Variants in HIF3A observed in about 807,000 individuals in gnomAD.
HIF3A encodes the protein hypoxia inducible factor 3 subunit alpha, also known as hypoxia-inducible factor 3-alpha.
In HIF3A, 41 loss-of-function variants were observed where a neutral mutation model predicts 67.2. The observed-to-expected ratio is 0.61, with a 90% CI of 0.48 to 0.79. The LOEUF (loss-of-function observed/expected upper bound fraction) is 0.79, where lower values mean the gene tolerates loss of function less well. Ranked by LOEUF, HIF3A falls within the 30% of genes least tolerant of loss-of-function variation. The probability of loss-of-function intolerance (pLI) is 0.00; values close to 1 mark genes in which losing one functional copy is unlikely to be tolerated. For missense variants in HIF3A, 855 were observed against 898.0 expected, an observed-to-expected ratio of 0.95 and a Z score of 0.61; for synonymous variants, 356 against 374.8, an observed-to-expected ratio of 0.95 and a Z score of 0.58.
intron 12 of HIF3A, 135 bp downstream of exon 12, chr19:46,329,613 G>GCA: frequency 9.1e-7 from 1 of 1,101,162 alleles, no homozygotes; most frequent in East Asian, 2.9e-5. Context: ...GGTGGGCCCA[G>GCA]CACATGCCAA....
Position 46,309,144 on chromosome 19 carries a change from C to T in HIF3A, c.562-7C>T, listed in dbSNP as rs1358149947. The T allele has an allele frequency of 3.1e-6, 5 of 1,608,486 alleles. No individual in the cohort carries two copies. The highest frequency in any genetic ancestry group is 4.3e-6 in the Non-Finnish European group (5 of 1,176,168). On this transcript the variant is annotated splice_region_variant and splice_polypyrimidine_tract_variant and intron_variant, in intron 5 of 14. Coordinates refer to ENST00000377670, the MANE Select transcript of HIF3A (RefSeq NM_152795.4). ...CCACTGCCTTGTCCCCTCATCTCGGCCCCCAGGTGCTGAACTGCTCTGGAC... is the reference window on the plus strand; with the variant it reads ...CCACTGCCTTGTCCCCTCATCTCGGTCCCCAGGTGCTGAACTGCTCTGGAC...
chr19:46,306,307 A>T (rs1384409074), intron 3 of HIF3A, among the ~76,000 whole-genome samples: 2 of 152,168 alleles, frequency 1.3e-5, no homozygotes, highest in Non-Finnish European at 2.9e-5. Flanking sequence ...AAGATCCTCT[A>T]GGTACGGCAT....
chr19:46,324,195 C>A (rs1970590072), intron 10 of HIF3A, among the ~76,000 whole-genome samples: 1 of 152,218 alleles, frequency 6.6e-6, no homozygotes, highest in Admixed American at 6.5e-5. Flanking sequence ...GCCTTAATTT[C>A]TTCACCTATA....
intron 1 of HIF3A, among the ~76,000 whole-genome samples, chr19:46,299,130 G>A (rs187327314): frequency 6.6e-6 from 1 of 152,376 alleles, no homozygotes; most frequent in East Asian, 1.9e-4. Flanking sequence ...GCTGGAACAC[G>A]GAGGAAGGGT....
chr19:46,316,828 T>TA (rs1969955975), intron 8 of HIF3A, among the ~76,000 whole-genome samples: 1 of 151,234 alleles, frequency 6.6e-6, no homozygotes, highest in South Asian at 2.1e-4. Flanking sequence ...GAAAAAAGAA[T>TA]TATACCTTTT....
chr19:46,307,655 G>T (rs1297844228), intron 3 of HIF3A, among the ~76,000 whole-genome samples: 12 of 152,090 alleles, frequency 7.9e-5, no homozygotes, highest in Admixed American at 7.2e-4. Context: ...GGCTGAGGTG[G>T]GAGAATCACT....
intron 3 of HIF3A, 118 bp downstream of exon 3, chr19:46,305,508 G>A (rs1307282411): frequency 1.0e-6 from 1 of 1,004,204 alleles, no homozygotes; most frequent in Non-Finnish European, 1.5e-6. Context: ...GGGGATATAG[G>A]TATGTCACTA....
intron 8 of HIF3A, among the ~76,000 whole-genome samples, chr19:46,317,596 T>G (rs995137756): frequency 1.3e-5 from 2 of 152,084 alleles, no homozygotes; most frequent in East Asian, 3.9e-4. Flanking sequence ...CCGCTCATCC[T>G]TCCAGTCTCA....
At chr19:46,324,985 T>TGGTGTGTG (rs1555785451) in intron 10 of HIF3A, among the ~76,000 whole-genome samples, 1 of 127,916 alleles carries the variant, frequency 7.8e-6, no homozygotes, top group African/African-American at 3.0e-5. Flanking sequence ...CACACATATA[T>TGGTGTGTG]TGTGTGTGTG....
rs549280624 is a variant in HIF3A at position 46,297,158 on chromosome 19, C to G, written c.26+56C>G. ...AATTGGGGGGCTCTCCTCCTGGAGACCCCTGAGCTGGATTGTTGGGGGGGG... is the reference window on the plus strand; with the variant it reads ...AATTGGGGGGCTCTCCTCCTGGAGAGCCCTGAGCTGGATTGTTGGGGGGGG... On this transcript the variant is annotated intron_variant, in intron 1 of 14. Coordinates refer to ENST00000377670, the MANE Select transcript of HIF3A (RefSeq NM_152795.4). The surrounding 1 kb of genome is among the most constrained non-coding windows in gnomAD (Gnocchi z 4.5). 3 of 1,038,624 alleles carry G rather than the reference C, an allele frequency of 2.9e-6. No individual in the cohort carries two copies. Among genetic ancestry groups the G allele is most frequent in the Admixed American group, 3.1e-5 (1 of 32,148 alleles). 64.3% of individuals were successfully genotyped at this position (1,038,624 alleles called of 1,614,324 possible).
chr19:46,323,880 C>T (rs1019909245), intron 10 of HIF3A, among the ~76,000 whole-genome samples: 4 of 152,134 alleles, frequency 2.6e-5, no homozygotes, highest in African/African-American at 7.2e-5. Context: ...GGAGAGACCA[C>T]CCCCATGATT....
intron 9 of HIF3A, among the ~76,000 whole-genome samples, chr19:46,320,926 C>T (rs1970314875): frequency 6.6e-6 from 1 of 152,164 alleles, no homozygotes; most frequent in African/African-American, 2.4e-5. Flanking sequence ...TCTTTGGCTT[C>T]CAGTAATCTC....
At chr19:46,305,894 A>G (rs576320694) in intron 3 of HIF3A, among the ~76,000 whole-genome samples, 1 of 152,306 alleles carries the variant, frequency 6.6e-6, no homozygotes, top group East Asian at 1.9e-4. Context: ...CCTGGGCAAC[A>G]CGGCAAAACC....
chr19:46,321,395 C>T (rs186712722), intron 9 of HIF3A, among the ~76,000 whole-genome samples: 4 of 152,204 alleles, frequency 2.6e-5, no homozygotes, highest in Non-Finnish European at 5.9e-5. Flanking sequence ...ATCAGCCTGG[C>T]CAACATGGTG....
chr19:46,322,771 T>C (rs1281377423), intron 10 of HIF3A, among the ~76,000 whole-genome samples: 1 of 152,108 alleles, frequency 6.6e-6, no homozygotes, highest in African/African-American at 2.4e-5. Flanking sequence ...CTGGAGCGGC[T>C]CACAGTAATC....
In HIF3A at chr19:46,321,966, G is replaced by A. The variant is rs200730115; in HGVS notation, c.1335G>A (p.Ser445=). The change falls in exon 10 of 15, where the codon TCG becomes TCA. Residue 445 remains serine (S), a splice_region_variant and synonymous_variant. Coordinates refer to ENST00000377670, the MANE Select transcript of HIF3A (RefSeq NM_152795.4). ...LATRHPQSPL[S]ADLPDELPVG... The stretch of plus-strand genomic sequence containing the variant: ...CACGGCACCCCCAAAGTCCTCTTTC[G>A]GTAAGCCATCCCACCCATGTGAGCC... 105 of 1,613,464 alleles carry A rather than the reference G, an allele frequency of 6.5e-5. No homozygotes were observed. In the Admixed American group the frequency reaches 8.0e-4, roughly 12 times the overall value.
At position 46,305,276 on chromosome 19, in the gene HIF3A, A is replaced by G. The variant is rs1968740951; in HGVS notation, c.249A>G (p.Glu83=). The change falls in exon 3 of 15, where the codon GAA becomes GAG. Residue 83 remains glutamate, a synonymous_variant. Transcript: ENST00000377670. Reference sequence around the variant, plus strand: ...GGAACCAGGTGGGAGCAGGGGGAGAACCACTGGATGCCTGCTACCTGAAGG... The same window carrying G: ...GGAACCAGGTGGGAGCAGGGGGAGAGCCACTGGATGCCTGCTACCTGAAGG... ...GEWNQVGAGG[E]PLDACYLKAL... 3.1e-6 allele frequency: 5 copies of G among 1,614,018 alleles called. No individual in the cohort carries two copies. The South Asian group carries it at 5.5e-5, about 18-fold the overall frequency.
At chr19:46,322,477 T>C (rs186319351) in intron 10 of HIF3A, among the ~76,000 whole-genome samples, 3 of 152,280 alleles carry the variant, frequency 2.0e-5, no homozygotes, top group Admixed American at 2.0e-4. Context: ...TCTCACTCTG[T>C]CACCCAGGCT....
chr19:46,330,372 G>GATGGATGA (rs1971111135), intron 12 of HIF3A, among the ~76,000 whole-genome samples: 1 of 152,218 alleles, frequency 6.6e-6, no homozygotes, highest in Non-Finnish European at 1.5e-5. Flanking sequence ...TGGACGGATG[G>GATGGATGA]ATGGATGAAT....
Sources: allele counts gnomAD v4.1 joint callset (sites outside exome capture counted in the v4.1 genomes callset), GRCh38; gene constraint gnomAD v4.1.1; non-coding constraint Gnocchi (gnomAD v3.1); transcripts MANE v1.5; gene names NCBI Gene and HGNC (gene_info 2026-07-23, HGNC 2026-07-21).